COQ8A: variants seen among roughly 807,000 people sequenced by gnomAD.
The protein encoded by COQ8A is atypical kinase COQ8A, mitochondrial.
COQ8A carries 51 observed loss-of-function variants against 65.0 expected under a neutral mutation model. That is an observed-to-expected ratio of 0.78 (90% CI 0.63 to 0.99). The LOEUF is 0.99. Among genes scored for constraint, COQ8A ranks in the 50% least tolerant of loss-of-function variants. COQ8A has a pLI of 0.00. For missense variants in COQ8A, 940 were observed against 875.0 expected (o/e 1.07, Z -0.94); for synonymous variants, 371 against 353.2 (o/e 1.05, Z -0.57).
chr1:226,959,915 T>C (rs577143733), intron 1 of COQ8A, among the ~76,000 whole-genome samples: 1 of 152,272 alleles, frequency 6.6e-6, no homozygotes, highest in South Asian at 2.1e-4. Flanking sequence ...GTAGGACAAG[T>C]GAACTAAGAA....
chr1:226,982,206 C>T, intron 6 of COQ8A, 57 bp downstream of exon 6: 1 of 1,538,166 alleles, frequency 6.5e-7, no homozygotes, highest in South Asian at 1.2e-5. Flanking sequence ...GGGGGGTCAA[C>T]TTCCAGGGCC....
intron 1 of COQ8A, among the ~76,000 whole-genome samples, chr1:226,958,826 T>G (rs1425163342): frequency 1.3e-5 from 2 of 152,144 alleles, no homozygotes; most frequent in African/African-American, 4.8e-5. Context: ...TTCATTTCAG[T>G]TACTCACAGG....
At chr1:226,943,248 C>T (rs1337668048) in intron 1 of COQ8A, among the ~76,000 whole-genome samples, 3 of 152,184 alleles carry the variant, frequency 2.0e-5, no homozygotes, top group African/African-American at 7.2e-5. Context: ...TATCTTTGTC[C>T]GTTGAAACAA....
At chr1:226,960,309 GGCGGT>G (rs1558187141) in intron 1 of COQ8A, among the ~76,000 whole-genome samples, 16 of 136,836 alleles carry the variant, frequency 1.2e-4, no homozygotes, top group South Asian at 5.1e-4. Flanking sequence ...TGGTGGTGGT[GGCGGT>G]ACTTGGTGGT....
chr1:226,957,774 G>A lies in COQ8A; in HGVS notation c.-9-3603G>A, dbSNP rs76300244. Among the ~76,000 whole-genome samples, 383 of 152,296 alleles carry A rather than the reference G, an allele frequency of 2.5e-3. 9 individuals carry two copies. In the East Asian group the frequency reaches 0.047, roughly 19 times the overall value. Reference sequence around the variant, plus strand: ...TTGTATCTGGCCGGTTAGACAGCCCGTGGGGGTGTCTTTTGGTTTTGGAGA... The same window carrying A: ...TTGTATCTGGCCGGTTAGACAGCCCATGGGGGTGTCTTTTGGTTTTGGAGA... On this transcript the variant is annotated intron_variant, in intron 1 of 14. Coordinates refer to ENST00000366777, the MANE Select transcript of COQ8A (RefSeq NM_020247.5).
intron 1 of COQ8A, among the ~76,000 whole-genome samples, chr1:226,955,455 ACT>A: frequency 7.9e-6 from 1 of 126,044 alleles, no homozygotes; most frequent in East Asian, 2.5e-4. Context: ...CTTGGCTGCC[ACT>A]CTCCCTGGCT....
chr1:226,971,627 C>T (rs1335013600), intron 4 of COQ8A, among the ~76,000 whole-genome samples: 5 of 152,114 alleles, frequency 3.3e-5, no homozygotes, highest in South Asian at 2.1e-4. Flanking sequence ...GTAGAATATT[C>T]GATGTTGAAA....
chr1:226,983,550 A>G lies in COQ8A; in HGVS notation c.1081-2A>G. 4.3e-6 allele frequency: 7 copies of G among 1,613,758 alleles called. No homozygotes were observed. Among genetic ancestry groups the G allele is most frequent in the South Asian group, 1.1e-5 (1 of 91,086 alleles). Reference sequence around the variant, plus strand: ...TCCCCTGCCTCACCCATACCCCCACAGTACCCTGGCGTGGCCCAGAGCATC... The same window carrying G: ...TCCCCTGCCTCACCCATACCCCCACGGTACCCTGGCGTGGCCCAGAGCATC... On this transcript the variant is annotated splice_acceptor_variant, in intron 8 of 14. Coordinates refer to ENST00000366777, the MANE Select transcript of COQ8A (RefSeq NM_020247.5). LOFTEE classifies it high-confidence loss of function.
At chr1:226,978,106 G>T (rs1013068710) in intron 5 of COQ8A, among the ~76,000 whole-genome samples, 1 of 52,828 alleles carries the variant, frequency 1.9e-5, no homozygotes, top group African/African-American at 7.7e-5. Context: ...ACCCGCACAC[G>T]TCACACACCC....
chr1:226,960,231 T>TTGG (rs1178515698), intron 1 of COQ8A, among the ~76,000 whole-genome samples: 12 of 118,812 alleles, frequency 1.0e-4, no homozygotes, highest in African/African-American at 2.6e-4. Flanking sequence ...GTGATGGTAC[T>TTGG]TGGTGGTGGT....
intron 10 of COQ8A, 56 bp from the exon 11 acceptor site, chr1:226,984,038 G>GC (rs1558208157): frequency 3.0e-5 from 44 of 1,456,304 alleles, no homozygotes; most frequent in Non-Finnish European, 3.7e-5. Flanking sequence ...TGTGTGTGGG[G>GC]GGGGGGACGG....
chr1:226,971,981 T>C (rs1023427037), intron 4 of COQ8A, among the ~76,000 whole-genome samples: 2 of 152,250 alleles, frequency 1.3e-5, no homozygotes, highest in Non-Finnish European at 2.9e-5. Context: ...ATATGTTAGA[T>C]CTTTTCCCTC....
intron 12 of COQ8A, 63 bp from the exon 13 acceptor site, chr1:226,984,813 G>A (rs1329696089): frequency 3.8e-6 from 6 of 1,575,732 alleles, no homozygotes; most frequent in Non-Finnish European, 3.5e-6. Context: ...CCCCCTTCCC[G>A]GCCCCACACA....
intron 14 of COQ8A, 113 bp downstream of exon 14, chr1:226,985,453 G>A (rs1176707120): frequency 2.3e-5 from 27 of 1,163,452 alleles, no homozygotes; most frequent in South Asian, 3.7e-5. Context: ...CCCAGAGCCC[G>A]GGCCTCCTTG....
At chr1:226,963,596 C>G (rs1052299459) in intron 2 of COQ8A, among the ~76,000 whole-genome samples, 4 of 152,080 alleles carry the variant, frequency 2.6e-5, no homozygotes, top group Admixed American at 1.3e-4. Flanking sequence ...AATATGACTT[C>G]TGTGGTTTTT....
In COQ8A at chr1:226,964,683, T is replaced by C. The variant is rs79809530; in HGVS notation, c.178-317T>C. Among the ~76,000 whole-genome samples the C allele has an allele frequency of 2.5e-3, 377 of 152,332 alleles. 9 individuals carry two copies. In the East Asian group the frequency reaches 0.046, roughly 19 times the overall value. On this transcript the variant is annotated intron_variant, in intron 2 of 14. Coordinates refer to ENST00000366777, the MANE Select transcript of COQ8A (RefSeq NM_020247.5). ...ACCATCTCCAAAGCCCTGGAGGCCTTCTTGGCCCTGTTTTATAGGTGAGGA... is the reference window on the plus strand; with the variant it reads ...ACCATCTCCAAAGCCCTGGAGGCCTCCTTGGCCCTGTTTTATAGGTGAGGA...
At chr1:226,953,648 C>T (rs531696792) in intron 1 of COQ8A, among the ~76,000 whole-genome samples, 28 of 152,118 alleles carry the variant, frequency 1.8e-4, no homozygotes, top group Non-Finnish European at 2.9e-4. Context: ...GGGGGAAGGA[C>T]GGAGGCTTTT....
At chr1:226,963,556 C>T (rs1658380868) in intron 2 of COQ8A, among the ~76,000 whole-genome samples, 1 of 152,196 alleles carries the variant, frequency 6.6e-6, no homozygotes. Context: ...CCCTCACTGT[C>T]AAGCCTTCCC....
At chr1:226,963,477 G>T (rs1230826288) in intron 2 of COQ8A, among the ~76,000 whole-genome samples, 1 of 152,232 alleles carries the variant, frequency 6.6e-6, no homozygotes, top group Non-Finnish European at 1.5e-5. Context: ...ACACCGACAG[G>T]TGTTAGTAGC....
Sources: gnomAD v4.1 joint callset for allele counts (sites outside exome capture counted in the v4.1 genomes callset) on GRCh38, gnomAD v4.1.1 for gene constraint, MANE v1.5 for transcripts, NCBI Gene and HGNC (gene_info 2026-07-23, HGNC 2026-07-21) for gene names.